Variants in CAPZB observed in about 807,000 individuals in gnomAD.
The protein encoded by CAPZB is capping actin protein of muscle Z-line subunit beta.
CAPZB carries 2 observed loss-of-function variants against 38.1 expected under a neutral mutation model. The observed-to-expected ratio is 0.05, with a 90% CI of 0.02 to 0.17. CAPZB has a LOEUF of 0.17. CAPZB is among the 10% of genes least tolerant of loss of function. The pLI is 1.00. For missense variants in CAPZB, 161 were observed against 334.2 expected (o/e 0.48, Z 4.04); for synonymous variants, 107 against 127.4 (o/e 0.84, Z 1.08).
chr1:19,392,544 AAAAG>A (rs997841352), intron 2 of CAPZB, among the ~76,000 whole-genome samples: 2 of 151,616 alleles, frequency 1.3e-5, no homozygotes, highest in Non-Finnish European at 2.9e-5. Context: ...AAAAAAAAAA[AAAAG>A]GCCAGCTGCG....
chr1:19,402,612 T>C (rs2094309091), intron 2 of CAPZB, among the ~76,000 whole-genome samples: 1 of 152,198 alleles, frequency 6.6e-6, no homozygotes, highest in South Asian at 2.1e-4. Flanking sequence ...GCTCAGTCCC[T>C]GCCCAGCTAG....
chr1:19,404,764 T>C (rs946074198), intron 2 of CAPZB, among the ~76,000 whole-genome samples: 1 of 152,138 alleles, frequency 6.6e-6, no homozygotes, highest in Non-Finnish European at 1.5e-5. Context: ...TCAGCAATCA[T>C]GGGAAAGCAG....
chr1:19,419,652 G>A lies in CAPZB; in HGVS notation c.93+9C>T. On this transcript the variant is annotated intron_variant, in intron 2 of 8. Coordinates refer to ENST00000264202, the MANE Select transcript of CAPZB (RefSeq NM_004930.5). Reference sequence around the variant, plus strand: ...GTCTCAAATGGAACCATATGAAGGAGGCACGTACCAGGTCGATCAGGTCGC... The same window carrying A: ...GTCTCAAATGGAACCATATGAAGGAAGCACGTACCAGGTCGATCAGGTCGC... The A allele has an allele frequency of 6.5e-7, 1 of 1,546,082 alleles. No individual in the cohort carries two copies. The highest frequency in any genetic ancestry group is 8.9e-7 in the Non-Finnish European group (1 of 1,128,834).
intron 1 of CAPZB, chr1:19,448,991 C>T (rs1046981977): frequency 2.5e-5 from 40 of 1,590,874 alleles, no homozygotes; most frequent in South Asian, 6.8e-5. Context: ...GGAAACATGA[C>T]GTGACTAGGG....
At chr1:19,456,021 C>T (rs2094532011) in intron 1 of CAPZB, among the ~76,000 whole-genome samples, 1 of 152,218 alleles carries the variant, frequency 6.6e-6, no homozygotes, top group African/African-American at 2.4e-5. Flanking sequence ...AAGCGGTTCT[C>T]CTGCCTCAGC....
chr1:19,384,761 G>T (rs2094194786), intron 3 of CAPZB, among the ~76,000 whole-genome samples: 1 of 152,166 alleles, frequency 6.6e-6, no homozygotes, highest in Non-Finnish European at 1.5e-5. Context: ...TGGAAACACT[G>T]GGCCAGTTTA....
chr1:19,360,869 C>T (rs1256860694), intron 4 of CAPZB, among the ~76,000 whole-genome samples: 1 of 152,104 alleles, frequency 6.6e-6, no homozygotes, highest in Non-Finnish European at 1.5e-5. Flanking sequence ...TGTGGGGTTA[C>T]TATTCTTTTA....
At chr1:19,346,452 T>TAAAAAAA (rs200968507) in intron 6 of CAPZB, among the ~76,000 whole-genome samples, 1 of 73,278 alleles carries the variant, frequency 1.4e-5, no homozygotes, top group Non-Finnish European at 2.7e-5. Context: ...TGAGAGAAGC[T>TAAAAAAA]AAAAAAAAAA....
At chr1:19,414,213 C>T (rs2094369508) in intron 2 of CAPZB, among the ~76,000 whole-genome samples, 1 of 152,176 alleles carries the variant, frequency 6.6e-6, no homozygotes, top group East Asian at 1.9e-4. Context: ...CATCATGCTG[C>T]CCCGATGGGG....
At position 19,347,659 on chromosome 1, in the gene CAPZB, C is replaced by A. The variant is rs142628219; in HGVS notation, c.589-2407G>T. ...TTAAGTAAAGGCCCAGCTGAGAGAA[C>A]GACCAGCTTCCTATCGACAGTGTCA... On this transcript the variant is annotated intron_variant, in intron 6 of 8. Transcript: ENST00000264202. 1.3e-3 allele frequency among the ~76,000 whole-genome samples: 198 copies of A among 152,304 alleles called. 1 individual carries two copies. Among genetic ancestry groups the A allele is most frequent in the African/African-American group, 4.5e-3 (187 of 41,546 alleles).
chr1:19,379,822 A>C (rs1171438462), intron 3 of CAPZB, among the ~76,000 whole-genome samples: 2 of 152,206 alleles, frequency 1.3e-5, no homozygotes, highest in Non-Finnish European at 2.9e-5. Context: ...CCGAGTGTTC[A>C]GAGAAAGTAG....
chr1:19,457,125 G>C (rs2094535492), intron 1 of CAPZB, among the ~76,000 whole-genome samples: 1 of 152,186 alleles, frequency 6.6e-6, no homozygotes, highest in Non-Finnish European at 1.5e-5. Flanking sequence ...CGGGAAAAGC[G>C]AGCAAACCAA....
chr1:19,458,994 A>G (rs1396120214), intron 1 of CAPZB, among the ~76,000 whole-genome samples: 1 of 152,250 alleles, frequency 6.6e-6, no homozygotes, highest in Non-Finnish European at 1.5e-5. Context: ...CAGGAAAGCC[A>G]GCAGGCAAAG....
chr1:19,455,644 C>A (rs2094530782), intron 1 of CAPZB, among the ~76,000 whole-genome samples: 1 of 152,152 alleles, frequency 6.6e-6, no homozygotes, highest in African/African-American at 2.4e-5. Flanking sequence ...CCACTGTGGG[C>A]CTTTGGATTT....
At chr1:19,419,914 C>A in intron 1 of CAPZB, 164 bp from the exon 2 acceptor site, 1 of 569,872 alleles carries the variant, frequency 1.8e-6, no homozygotes, top group Non-Finnish European at 3.1e-6. Context: ...CGGGGGGCGA[C>A]TGTGCAGGCT....
intron 1 of CAPZB, among the ~76,000 whole-genome samples, chr1:19,441,460 G>T (rs2094476157): frequency 6.6e-6 from 1 of 152,166 alleles, no homozygotes; most frequent in African/African-American, 2.4e-5. Flanking sequence ...AGAAAACCTT[G>T]TTGGCCTCAG....
intron 4 of CAPZB, among the ~76,000 whole-genome samples, chr1:19,359,207 ACTC>A (rs1277714943): frequency 1.9e-5 from 2 of 106,380 alleles, no homozygotes; most frequent in Non-Finnish European, 3.7e-5. Context: ...AATTCTCTGT[ACTC>A]TTTTTTTTTT....
rs1013456248 is a variant in CAPZB, at chr1:19,432,060, A to AG, written c.4-12311_4-12310insC. On this transcript the variant is annotated intron_variant, in intron 1 of 8. Transcript: ENST00000264202. ...CCTGTCTCAAAAAAAAAAAAAAAAA[A>AG]AAAAAGAAAAAAAAAGAAAATACGC... Among the ~76,000 whole-genome samples the AG allele has an allele frequency of 6.0e-5, 9 of 149,546 alleles. No individual in the cohort carries two copies. In the East Asian group the frequency reaches 7.7e-4, roughly 13 times the overall value.
At chr1:19,413,137 A>G (rs993115616) in intron 2 of CAPZB, among the ~76,000 whole-genome samples, 1 of 152,112 alleles carries the variant, frequency 6.6e-6, no homozygotes, top group African/African-American at 2.4e-5. Flanking sequence ...ATGGCCTGAG[A>G]GAATCCAACT....
Sources: allele counts gnomAD v4.1 joint callset (sites outside exome capture counted in the v4.1 genomes callset), GRCh38; gene constraint gnomAD v4.1.1; transcripts MANE v1.5; gene names NCBI Gene and HGNC (gene_info 2026-07-23, HGNC 2026-07-21).